The following FANCC variants were observed in gnomAD, a reference collection of about 807,000 sequenced individuals.
FANCC encodes the protein FA complementation group C, also known as Fanconi anemia group C protein.
In FANCC, 55 loss-of-function variants were observed where a neutral mutation model predicts 71.3. The ratio of observed to expected loss-of-function variants is 0.77; its 90% CI spans 0.62 to 0.97. FANCC has a LOEUF of 0.97. FANCC is among the 50% of genes least tolerant of loss of function. The pLI is 0.00. For synonymous variants in FANCC, 275 were observed against 244.9 expected, an observed-to-expected ratio of 1.12 and a Z score of -1.15; for missense variants, 678 against 670.9, an observed-to-expected ratio of 1.01 and a Z score of -0.12.
At chr9:95,169,251 G>A (rs973813838) in intron 6 of FANCC, among the ~76,000 whole-genome samples, 6 of 152,246 alleles carry the variant, frequency 3.9e-5, no homozygotes, top group African/African-American at 9.6e-5. Flanking sequence ...TAGTTTTGTC[G>A]TTGCATCTCA....
At chr9:95,112,590 G>A (rs760437951) in intron 12 of FANCC, among the ~76,000 whole-genome samples, 3 of 152,244 alleles carry the variant, frequency 2.0e-5, no homozygotes, top group African/African-American at 7.2e-5. Flanking sequence ...GGGTTAGGCT[G>A]TACCAGAGTG....
intron 4 of FANCC, among the ~76,000 whole-genome samples, chr9:95,186,776 G>A (rs1286007398): frequency 3.3e-5 from 5 of 151,214 alleles, no homozygotes; most frequent in Non-Finnish European, 5.9e-5. Context: ...AGACTGCTGC[G>A]CTCGGACTGT....
At chr9:95,174,887 T>C (rs1825914849) in intron 4 of FANCC, among the ~76,000 whole-genome samples, 1 of 152,064 alleles carries the variant, frequency 6.6e-6, no homozygotes, top group South Asian at 2.1e-4. Flanking sequence ...GTGGTTACCA[T>C]TATCACGGTG....
intron 1 of FANCC, among the ~76,000 whole-genome samples, chr9:95,315,607 A>G (rs1835692502): frequency 6.6e-6 from 1 of 152,210 alleles, no homozygotes; most frequent in African/African-American, 2.4e-5. Context: ...TCCTGTATGT[A>G]TTTTTTCACA....
At chr9:95,155,343 A>AAGGGAGGAAGGGAGGG (rs1830412720) in intron 6 of FANCC, among the ~76,000 whole-genome samples, 1 of 26,378 alleles carries the variant, frequency 3.8e-5, no homozygotes, top group African/African-American at 2.0e-4. Context: ...GGAAGGGAGG[A>AAGGGAGGAAGGGAGGG]AGGGAGGGAG....
Position 95,117,241 on chromosome 9 carries a change from A to T in FANCC, c.1072+74T>A, listed in dbSNP as rs2072493470. The T allele has an allele frequency of 2.3e-6, 3 of 1,310,488 alleles. No individual in the cohort carries two copies. In the Admixed American group the frequency reaches 5.2e-5, roughly 23 times the overall value. The allele number at this position is 1,310,488 out of a possible 1,614,324, so 81.2% of individuals were successfully genotyped here. ...CCCTCATGCTGTAGATAAGGGCCTG[A>T]TGAGGAGGTCATAATTTGACAATGC... On this transcript the variant is annotated intron_variant, in intron 11 of 14. Coordinates refer to ENST00000289081, the MANE Select transcript of FANCC (RefSeq NM_000136.3).
At chr9:95,108,967 G>A (rs989530786) in intron 13 of FANCC, among the ~76,000 whole-genome samples, 2 of 151,452 alleles carry the variant, frequency 1.3e-5, no homozygotes, top group African/African-American at 4.9e-5. Context: ...ATGCAGTGGT[G>A]CAATCTCTAC....
chr9:95,293,179 A>C, intron 1 of FANCC: 1 of 1,610,606 alleles, frequency 6.2e-7, no homozygotes, highest in Non-Finnish European at 8.5e-7. Flanking sequence ...TGACAAGCAG[A>C]CTCTTTCTTA....
At chr9:95,274,042 T>G (rs546428853) in intron 1 of FANCC, among the ~76,000 whole-genome samples, 1 of 152,238 alleles carries the variant, frequency 6.6e-6, no homozygotes, top group Non-Finnish European at 1.5e-5. Flanking sequence ...TTTTTTATTA[T>G]ACTTTAAGTT....
intron 4 of FANCC, among the ~76,000 whole-genome samples, chr9:95,236,146 T>C (rs1395777036): frequency 6.6e-6 from 1 of 152,172 alleles, no homozygotes; most frequent in Non-Finnish European, 1.5e-5. Flanking sequence ...TGGTACCCTG[T>C]TGTGTTTTTT....
chr9:95,152,938 T>TA lies in FANCC; in HGVS notation c.522-2852dup, dbSNP rs763735456. Among the ~76,000 whole-genome samples the TA allele has an allele frequency of 4.5e-3, 684 of 152,128 alleles. 7 individuals carry two copies. Among genetic ancestry groups the TA allele is most frequent in the Non-Finnish European group, 7.4e-3 (503 of 68,002 alleles). ...TAATACCAACGATAGTTGATGAGCTTAAAAAAAATCGCAAAAAAACTATGT... is the reference window on the plus strand; with the variant it reads ...TAATACCAACGATAGTTGATGAGCTTAAAAAAAAATCGCAAAAAAACTATGT... On this transcript the variant is annotated intron_variant, in intron 6 of 14. Coordinates refer to ENST00000289081, the MANE Select transcript of FANCC (RefSeq NM_000136.3).
In FANCC at chr9:95,208,216, G is replaced by A. The variant is rs749427839; in HGVS notation, c.345+32433C>T. Reference sequence around the variant, plus strand: ...GAGTTCAAGCGATTCTCCTGCCTCAGTCTCCTGAGTAGCTGGGATCACAGG... The same window carrying A: ...GAGTTCAAGCGATTCTCCTGCCTCAATCTCCTGAGTAGCTGGGATCACAGG... On this transcript the variant is annotated intron_variant, in intron 4 of 14. Coordinates refer to ENST00000289081, the MANE Select transcript of FANCC (RefSeq NM_000136.3). Among the ~76,000 whole-genome samples the A allele has an allele frequency of 2.0e-5, 3 of 148,552 alleles. No individual in the cohort carries two copies. In the South Asian group the frequency reaches 6.4e-4, roughly 31 times the overall value.
intron 1 of FANCC, among the ~76,000 whole-genome samples, chr9:95,302,315 G>A (rs937925907): frequency 1.3e-5 from 2 of 152,158 alleles, no homozygotes; most frequent in African/African-American, 4.8e-5. Context: ...GGAAAGGTCT[G>A]AACCCGGCGT....
intron 4 of FANCC, among the ~76,000 whole-genome samples, chr9:95,236,348 G>C (rs1830318417): frequency 6.6e-6 from 1 of 152,134 alleles, no homozygotes; most frequent in Non-Finnish European, 1.5e-5. Context: ...AACAGTAGGT[G>C]CTCAAAAAGT....
intron 4 of FANCC, among the ~76,000 whole-genome samples, chr9:95,189,532 G>C (rs1041313504): frequency 1.3e-5 from 2 of 152,112 alleles, no homozygotes; most frequent in African/African-American, 4.8e-5. Flanking sequence ...TAGTTCCGGG[G>C]GGGGAAATAG....
intron 3 of FANCC, among the ~76,000 whole-genome samples, chr9:95,244,259 C>A (rs577416729): frequency 6.6e-6 from 1 of 152,366 alleles, no homozygotes; most frequent in Admixed American, 6.5e-5. Flanking sequence ...GCAACTGCTA[C>A]TCCCATTCAG....
chr9:95,270,678 T>C (rs920449500), intron 1 of FANCC, among the ~76,000 whole-genome samples: 3 of 152,212 alleles, frequency 2.0e-5, no homozygotes, highest in Non-Finnish European at 4.4e-5. Flanking sequence ...AGGTGATACA[T>C]GGACAAATTC....
At chr9:95,186,852 C>T (rs1355368925) in intron 4 of FANCC, among the ~76,000 whole-genome samples, 1 of 145,204 alleles carries the variant, frequency 6.9e-6, no homozygotes, top group East Asian at 2.0e-4. Context: ...AGTGCAGTGG[C>T]GTGATCTCAG....
At chr9:95,184,221 T>C (rs945749420) in intron 4 of FANCC, among the ~76,000 whole-genome samples, 4 of 152,190 alleles carry the variant, frequency 2.6e-5, no homozygotes, top group African/African-American at 9.7e-5. Flanking sequence ...AAAGCATTTA[T>C]GTTATTATAC....
Sources: gnomAD v4.1 joint callset for allele counts (sites outside exome capture counted in the v4.1 genomes callset) on GRCh38, gnomAD v4.1.1 for gene constraint, MANE v1.5 for transcripts, NCBI Gene and HGNC (gene_info 2026-07-23, HGNC 2026-07-21) for gene names.